The following CEP350 variants were observed in gnomAD, a reference collection of about 807,000 sequenced individuals.
CEP350 encodes centrosome-associated protein 350.
A neutral mutation model predicts 331.8 loss-of-function variants in CEP350; 126 were observed. The observed-to-expected ratio is 0.38, with a 90% confidence interval of 0.33 to 0.44. The LOEUF (loss-of-function observed/expected upper bound fraction) is 0.44, where lower values mean the gene tolerates loss of function less well. CEP350 is among the 20% of genes least tolerant of loss of function. The probability of loss-of-function intolerance (pLI) is 1.00; values close to 1 mark genes in which losing one functional copy is unlikely to be tolerated. For missense variants in CEP350, 3,406 were observed against 3,634.6 expected, an observed-to-expected ratio of 0.94 and a Z score of 1.62; for synonymous variants, 1,200 against 1,259.5, an observed-to-expected ratio of 0.95 and a Z score of 1.00.
chr1:180,085,076 C>G (rs1357703990), intron 31 of CEP350, among the ~76,000 whole-genome samples: 1 of 149,628 alleles, frequency 6.7e-6, no homozygotes, highest in Non-Finnish European at 1.5e-5. Context: ...CCCTTTTTTT[C>G]TCCTTTTCTT....
intron 5 of CEP350, among the ~76,000 whole-genome samples, chr1:179,992,460 T>C (rs1653167444): frequency 6.6e-6 from 1 of 152,204 alleles, no homozygotes; most frequent in Admixed American, 6.5e-5. Context: ...GAAATAGTAA[T>C]AGTTGCCTCA....
intron 10 of CEP350, among the ~76,000 whole-genome samples, chr1:180,015,199 C>T (rs1654891571): frequency 6.7e-6 from 1 of 149,204 alleles, no homozygotes; most frequent in Non-Finnish European, 1.5e-5. Flanking sequence ...CACCACCATG[C>T]CTAGGAAATT....
chr1:180,039,806 A>G (rs1656638017), intron 17 of CEP350, among the ~76,000 whole-genome samples: 2 of 152,154 alleles, frequency 1.3e-5, no homozygotes, highest in East Asian at 1.9e-4. Flanking sequence ...CAACAACAAC[A>G]AAAAGCCTGG....
intron 11 of CEP350, 124 bp downstream of exon 11, chr1:180,016,094 G>A: frequency 8.8e-7 from 1 of 1,140,060 alleles, no homozygotes; most frequent in Non-Finnish European, 1.2e-6. Context: ...TTACAAATTG[G>A]TTCATATCTT....
At chr1:179,981,916 C>T (rs936071508) in intron 1 of CEP350, among the ~76,000 whole-genome samples, 3 of 152,090 alleles carry the variant, frequency 2.0e-5, no homozygotes, top group Non-Finnish European at 4.4e-5. Flanking sequence ...GGGAGGAACA[C>T]CTGAGCCCAG....
At chr1:179,991,658 T>C (rs1653075203) in intron 4 of CEP350, among the ~76,000 whole-genome samples, 1 of 109,184 alleles carries the variant, frequency 9.2e-6, no homozygotes, top group South Asian at 3.7e-4. Context: ...GTGATATGTA[T>C]ATATATATAT....
chr1:180,070,117 C>T (rs943277785), intron 27 of CEP350, among the ~76,000 whole-genome samples: 2 of 152,146 alleles, frequency 1.3e-5, no homozygotes, highest in Admixed American at 6.5e-5. Context: ...TACAACTTTA[C>T]ATGCAATTCC....
chr1:179,986,054 C>T lies in CEP350; in HGVS notation c.-13-115C>T, dbSNP rs1391530174. The T allele has an allele frequency of 5.2e-6, 4 of 775,850 alleles. No individual in the cohort carries two copies. The Admixed American group carries it at 1.1e-4, about 22-fold the overall frequency. 48.1% of individuals were successfully genotyped at this position (775,850 alleles called of 1,614,324 possible). ...TGTGTGTTTTTGATAGTAGCTTGTC[C>T]TATTTACATCCTAATGGGTGTGAAG... On this transcript the variant is annotated intron_variant, in intron 1 of 37. Transcript: ENST00000367607.
At chr1:179,955,291 C>A in intron 1 of CEP350, 149 bp downstream of exon 1, 1 of 859,914 alleles carries the variant, frequency 1.2e-6, no homozygotes, top group Non-Finnish European at 1.5e-6. Flanking sequence ...CTCGGGGAAC[C>A]TCCCTGGGTT....
At position 180,095,693 on chromosome 1, in the gene CEP350, C is replaced by T. The variant is rs149481021; in HGVS notation, c.8682C>T (p.Thr2894=). 8,101 of 1,613,980 alleles carry T rather than the reference C, an allele frequency of 5.0e-3. 20 individuals are homozygous for T. The highest frequency in any genetic ancestry group is 5.5e-3 in the Non-Finnish European group (6,474 of 1,179,884). ...HKIQKNKAEE[T]IVPLMAEPKR... is the part of the protein sequence containing the mutation. ...TCCAAAAAAATAAGGCAGAAGAAAC[C>T]ATTGTACCTCTAATGGCAGAACCTA... The change falls in exon 35 of 38, where the codon ACC becomes ACT. Residue 2894 remains threonine, a synonymous_variant. Transcript: ENST00000367607.
intron 1 of CEP350, among the ~76,000 whole-genome samples, chr1:179,985,939 C>G (rs914590588): frequency 1.3e-4 from 20 of 152,124 alleles, no homozygotes; most frequent in Non-Finnish European, 4.4e-5. Context: ...GGAACTGCCA[C>G]ACTGTTTTCC....
rs1379439661 is a variant in CEP350, at chr1:179,986,131, A to G, written c.-13-38A>G. On this transcript the variant is annotated intron_variant, in intron 1 of 37. Transcript: ENST00000367607. ...TATTTTTCTAAGGAAAAGTAATATT[A>G]TAAGATTGATGTTCGGTGAATACTG... The G allele has an allele frequency of 4.1e-6, 6 of 1,448,980 alleles. No homozygotes were observed. In the African/African-American group the frequency reaches 7.1e-5, roughly 17 times the overall value. 89.8% of individuals were successfully genotyped at this position (1,448,980 alleles called of 1,614,324 possible). A position where few individuals can be genotyped will look rare whatever the true frequency, so the allele number is the denominator to read the frequency against.
chr1:180,040,101 G>A (rs960430025), intron 17 of CEP350, among the ~76,000 whole-genome samples: 1 of 151,248 alleles, frequency 6.6e-6, no homozygotes, highest in Non-Finnish European at 1.5e-5. Flanking sequence ...GTGTGGGACT[G>A]TTCCCATACT....
intron 1 of CEP350, among the ~76,000 whole-genome samples, chr1:179,982,388 CATT>C (rs1214444029): frequency 8.5e-5 from 13 of 152,190 alleles, no homozygotes; most frequent in African/African-American, 2.4e-4. Flanking sequence ...AATTCATTCT[CATT>C]ATTAGTGGGG....
At chr1:180,017,278 A>T (rs539996287) in intron 11 of CEP350, among the ~76,000 whole-genome samples, 2 of 152,194 alleles carry the variant, frequency 1.3e-5, no homozygotes, top group African/African-American at 4.8e-5. Context: ...AATGTTTCAT[A>T]TGATTTGCTT....
chr1:180,093,109 A>C lies in CEP350; in HGVS notation c.7004A>C (p.Asp2335Ala), dbSNP rs1324778166. ...SEEMLKERQS[D>A]QDMNHSPNIQ... is the part of the protein sequence containing the mutation. Reference sequence around the variant, plus strand: ...GAAATGTTGAAAGAGAGACAGTCAGATCAAGATATGAATCATAGTCCAAAC... The same window carrying C: ...GAAATGTTGAAAGAGAGACAGTCAGCTCAAGATATGAATCATAGTCCAAAC... The change falls in exon 34 of 38, where the codon GAT becomes GCT. Residue 2335 changes from aspartate to alanine, a missense_variant. Asp to Ala is a moderately radical substitution (Grantham distance 126). Transcript: ENST00000367607. 1 of 1,602,812 alleles carries C rather than the reference A, an allele frequency of 6.2e-7. No homozygotes were observed. Among genetic ancestry groups the C allele is most frequent in the Non-Finnish European group, 8.5e-7 (1 of 1,173,940 alleles).
chr1:179,989,927 G>T (rs1188234360), intron 3 of CEP350, among the ~76,000 whole-genome samples: 1 of 152,026 alleles, frequency 6.6e-6, no homozygotes, highest in Non-Finnish European at 1.5e-5. Flanking sequence ...AGTGGCTCAC[G>T]CCTGTAATCC....
At chr1:179,962,521 T>C (rs1329093148) in intron 1 of CEP350, among the ~76,000 whole-genome samples, 2 of 152,172 alleles carry the variant, frequency 1.3e-5, no homozygotes, top group East Asian at 3.9e-4. Context: ...GCAATTCTCC[T>C]GCCTCAGCCT....
chr1:180,019,935 A>G lies in CEP350; in HGVS notation c.2175-14A>G, dbSNP rs199692359. On this transcript the variant is annotated splice_polypyrimidine_tract_variant and intron_variant, in intron 11 of 37. Transcript: ENST00000367607. ...TGGTTTAGTTAACTAACATATTGTGACTTTCATTTCCAGAAAAGACTTGAT... is the reference window on the plus strand; with the variant it reads ...TGGTTTAGTTAACTAACATATTGTGGCTTTCATTTCCAGAAAAGACTTGAT... The G allele has an allele frequency of 3.0e-4, 470 of 1,555,978 alleles. 1 individual carries two copies. In the African/African-American group the frequency reaches 6.1e-3, roughly 20 times the overall value.
Sources: gnomAD v4.1 joint callset for allele counts (sites outside exome capture counted in the v4.1 genomes callset) on GRCh38, gnomAD v4.1.1 for gene constraint, MANE v1.5 for transcripts, NCBI Gene and HGNC (gene_info 2026-07-23, HGNC 2026-07-21) for gene names.